Variants in SRGAP1 observed in about 807,000 individuals in gnomAD.
The protein encoded by SRGAP1 is SLIT-ROBO Rho GTPase activating protein 1, also known as SLIT-ROBO Rho GTPase-activating protein 1.
SRGAP1 carries 43 observed loss-of-function variants against 121.9 expected under a neutral mutation model. The ratio of observed to expected loss-of-function variants is 0.35; its 90% CI spans 0.28 to 0.46. SRGAP1 has a LOEUF of 0.46. SRGAP1 is among the 20% of genes least tolerant of loss of function. The pLI, the probability that SRGAP1 is intolerant of heterozygous loss-of-function variation, is 1.00. For synonymous variants in SRGAP1, 447 were observed against 485.4 expected, an observed-to-expected ratio of 0.92 and a Z score of 1.04; for missense variants, 1,102 against 1,350.9, an observed-to-expected ratio of 0.82 and a Z score of 2.89.
intron 1 of SRGAP1, among the ~76,000 whole-genome samples, chr12:63,897,407 G>A (rs1900789402): frequency 6.6e-6 from 1 of 152,156 alleles, no homozygotes; most frequent in African/African-American, 2.4e-5. Context: ...GTTTGGACAT[G>A]TCAGCTGTAC....
At chr12:64,048,083 C>A (rs984811195) in intron 6 of SRGAP1, among the ~76,000 whole-genome samples, 1 of 152,214 alleles carries the variant, frequency 6.6e-6, no homozygotes, top group Admixed American at 6.5e-5. Flanking sequence ...TGTAGTCACC[C>A]TATTGTGCTG....
chr12:64,021,404 G>A (rs544901368), intron 4 of SRGAP1, among the ~76,000 whole-genome samples: 74 of 152,198 alleles, frequency 4.9e-4, no homozygotes, highest in Non-Finnish European at 9.6e-4. Context: ...GATTATGTTG[G>A]TGCTAGTTAT....
chr12:64,100,301 T>C (rs964800885), intron 15 of SRGAP1, among the ~76,000 whole-genome samples: 9 of 152,230 alleles, frequency 5.9e-5, no homozygotes, highest in African/African-American at 1.7e-4. Flanking sequence ...TCAAGTTACA[T>C]TGTTTCCAGC....
intron 3 of SRGAP1, among the ~76,000 whole-genome samples, chr12:64,002,538 G>T (rs1161992354): frequency 2.6e-5 from 4 of 152,184 alleles, no homozygotes; most frequent in Non-Finnish European, 5.9e-5. Flanking sequence ...AGGGGTAAAG[G>T]TTGAGAAAGC....
chr12:63,983,388 CGTT>C (rs941189889), intron 1 of SRGAP1: 11 of 152,204 alleles, frequency 7.2e-5, no homozygotes, highest in Admixed American at 1.3e-4. Context: ...CCTCATGGCT[CGTT>C]GTGTGTTTGT....
At position 63,868,066 on chromosome 12, in the gene SRGAP1, T is replaced by TTG. The variant is rs1565927667; in HGVS notation, c.67+23184_67+23185insGT. 6.1e-5 allele frequency among the ~76,000 whole-genome samples: 6 copies of TTG among 98,512 alleles called. No homozygotes were observed. In the East Asian group the frequency reaches 2.1e-3, roughly 35 times the overall value. 64.6% of individuals were successfully genotyped at this position (98,512 alleles called of 152,430 possible). A position where few individuals can be genotyped will look rare whatever the true frequency, so the allele number is the denominator to read the frequency against. On this transcript the variant is annotated intron_variant, in intron 1 of 21. Transcript: ENST00000355086. Reference sequence around the variant, plus strand: ...TATATATATATATATATTTTTTTTTTTTTTTTTTTTTTGTTTTTTTTTTTT... The same window carrying TTG: ...TATATATATATATATATTTTTTTTTTTGTTTTTTTTTTTTGTTTTTTTTTTTT...
intron 1 of SRGAP1, among the ~76,000 whole-genome samples, chr12:63,955,040 C>T (rs1592979453): frequency 6.6e-6 from 1 of 152,114 alleles, no homozygotes; most frequent in East Asian, 1.9e-4. Context: ...ATAAAAGGCC[C>T]GGCGCGGTGG....
intron 2 of SRGAP1, 145 bp from the exon 3 acceptor site, chr12:63,989,765 G>A: frequency 1.7e-6 from 1 of 591,556 alleles, no homozygotes; most frequent in South Asian, 2.6e-5. Context: ...TGGCTGATAA[G>A]TGTCCTGGTC....
At chr12:63,925,592 T>C (rs1229983244) in intron 1 of SRGAP1, among the ~76,000 whole-genome samples, 1 of 152,174 alleles carries the variant, frequency 6.6e-6, no homozygotes, top group South Asian at 2.1e-4. Context: ...TTGCATATGT[T>C]ACTTAATTTT....
At chr12:64,094,821 C>T (rs942279214) in intron 12 of SRGAP1, 111 bp from the exon 13 acceptor site, 8 of 1,044,578 alleles carry the variant, frequency 7.7e-6, no homozygotes, top group African/African-American at 6.4e-5. Context: ...ACTTGGTTTG[C>T]TCCAGAACTG....
At chr12:63,913,472 TATATGG>T (rs2030623127) in intron 1 of SRGAP1, among the ~76,000 whole-genome samples, 1 of 108,352 alleles carries the variant, frequency 9.2e-6, no homozygotes, top group South Asian at 3.0e-4. Flanking sequence ...TATATATATA[TATATGG>T]ATATATATAT....
Position 64,162,195 on chromosome 12 carries a change from A to G in SRGAP1, c.*19523A>G, listed in dbSNP as rs1330525698. The stretch of plus-strand genomic sequence containing the variant: ...ACTAAAAACCACTGAATTGTATCCA[A>G]TAAAGTACTAAATTGTATGATATAT... On this transcript the variant is annotated 3_prime_UTR_variant, in exon 22 of 22. Coordinates refer to ENST00000355086, the MANE Select transcript of SRGAP1 (RefSeq NM_020762.4). 2 of 152,194 alleles carry G rather than the reference A, an allele frequency of 1.3e-5. No homozygotes were observed. The highest frequency in any genetic ancestry group is 2.9e-5 in the Non-Finnish European group (2 of 68,038). 9.4% of individuals were successfully genotyped at this position (152,194 alleles called of 1,614,324 possible). A position where few individuals can be genotyped will look rare whatever the true frequency, so the allele number is the denominator to read the frequency against.
intron 17 of SRGAP1, among the ~76,000 whole-genome samples, chr12:64,113,861 C>T (rs915645452): frequency 6.6e-6 from 1 of 152,180 alleles, no homozygotes; most frequent in Admixed American, 6.5e-5. Context: ...TCCCTGCCCA[C>T]CTCAGAAACT....
At chr12:64,092,070 T>A in intron 12 of SRGAP1, 1 of 680,680 alleles carries the variant, frequency 1.5e-6, no homozygotes, top group Non-Finnish European at 2.5e-6. Context: ...TATAAATAGG[T>A]TTTACTTAGA....
At chr12:64,009,669 T>G (rs1234103838) in intron 3 of SRGAP1, among the ~76,000 whole-genome samples, 1 of 152,202 alleles carries the variant, frequency 6.6e-6, no homozygotes, top group Non-Finnish European at 1.5e-5. Flanking sequence ...AAGTTTTGTC[T>G]TGATTTGAAA....
At chr12:63,951,634 A>G (rs947684760) in intron 1 of SRGAP1, among the ~76,000 whole-genome samples, 2 of 152,244 alleles carry the variant, frequency 1.3e-5, no homozygotes, top group Non-Finnish European at 2.9e-5. Flanking sequence ...CTTGCTTACA[A>G]GAAACAGATT....
intron 12 of SRGAP1, 68 bp downstream of exon 12, chr12:64,091,446 A>G (rs918098834): frequency 8.0e-6 from 9 of 1,131,248 alleles, no homozygotes; most frequent in Non-Finnish European, 1.2e-5. Context: ...AGCCTCTTGT[A>G]AGAGGAGGAA....
intron 10 of SRGAP1, among the ~76,000 whole-genome samples, chr12:64,085,400 T>G (rs2035919474): frequency 6.6e-6 from 1 of 152,172 alleles, no homozygotes; most frequent in African/African-American, 2.4e-5. Context: ...CATAACAACA[T>G]AATACAACAC....
intron 3 of SRGAP1, among the ~76,000 whole-genome samples, chr12:64,000,947 G>A (rs926926503): frequency 5.6e-4 from 85 of 152,124 alleles, no homozygotes; most frequent in Non-Finnish European, 1.0e-3. Flanking sequence ...TGGAGGGACC[G>A]ATAATTAAAA....
Sources: allele counts gnomAD v4.1 joint callset (sites outside exome capture counted in the v4.1 genomes callset), GRCh38; gene constraint gnomAD v4.1.1; transcripts MANE v1.5; gene names NCBI Gene and HGNC (gene_info 2026-07-23, HGNC 2026-07-21).